AK4: variants seen among roughly 807,000 people sequenced by gnomAD.
The protein encoded by AK4 is adenylate kinase 4, also known as adenylate kinase 4, mitochondrial.
Under a neutral mutation model 24.6 loss-of-function variants are expected in AK4, and 13 were observed. The observed-to-expected ratio is 0.53, with a 90% CI of 0.34 to 0.84. The LOEUF is 0.84. Among genes scored for constraint, AK4 ranks in the 40% least tolerant of loss-of-function variants. The probability of loss-of-function intolerance (pLI) is 0.01; values close to 1 mark genes in which losing one functional copy is unlikely to be tolerated. For synonymous variants in AK4, 88 were observed against 107.0 expected (o/e 0.82, Z 1.10); for missense variants, 192 against 288.2 (o/e 0.67, Z 2.42).
intron 2 of AK4, 83 bp from the exon 3 acceptor site, chr1:65,218,671 A>T: frequency 7.2e-7 from 1 of 1,388,644 alleles, no homozygotes; most frequent in Non-Finnish European, 9.6e-7. Flanking sequence ...ATGCAGATTT[A>T]ATTCTGTCAC....
intron 1 of AK4, among the ~76,000 whole-genome samples, chr1:65,188,973 C>T (rs1373403379): frequency 6.6e-6 from 1 of 151,822 alleles, no homozygotes; most frequent in African/African-American, 2.4e-5. Context: ...TAGAGTCTTG[C>T]TCTGTCACCC....
chr1:65,184,685 T>C (rs1017270846), intron 1 of AK4, among the ~76,000 whole-genome samples: 9 of 152,348 alleles, frequency 5.9e-5, no homozygotes, highest in Admixed American at 2.0e-4. Context: ...TGCTGCTTTC[T>C]CTTCCAAGCA....
At chr1:65,186,423 T>A (rs546396505) in intron 1 of AK4, among the ~76,000 whole-genome samples, 1 of 152,324 alleles carries the variant, frequency 6.6e-6, no homozygotes, top group African/African-American at 2.4e-5. Flanking sequence ...ACCATCAGCC[T>A]GGCCCATGCA....
intron 1 of AK4, among the ~76,000 whole-genome samples, chr1:65,181,822 G>A (rs1302436516): frequency 6.6e-6 from 1 of 152,228 alleles, no homozygotes; most frequent in Admixed American, 6.5e-5. Flanking sequence ...ATCTGAAGAA[G>A]ATCACAGATG....
At chr1:65,205,602 T>C (rs961636061) in intron 2 of AK4, among the ~76,000 whole-genome samples, 5 of 152,228 alleles carry the variant, frequency 3.3e-5, no homozygotes, top group Non-Finnish European at 7.3e-5. Context: ...TATTTCTTCA[T>C]ACTTGAAGTC....
intron 1 of AK4, among the ~76,000 whole-genome samples, chr1:65,188,231 C>T (rs911997470): frequency 6.6e-6 from 1 of 151,974 alleles, no homozygotes; most frequent in African/African-American, 2.4e-5. Flanking sequence ...CCTGTCTCTA[C>T]TAAAAATACA....
intron 2 of AK4, among the ~76,000 whole-genome samples, chr1:65,198,565 ATATT>A (rs1651559312): frequency 6.6e-6 from 1 of 152,178 alleles, no homozygotes; most frequent in East Asian, 1.9e-4. Context: ...TCAGAGACAT[ATATT>A]CAGCCACACA....
intron 1 of AK4, among the ~76,000 whole-genome samples, chr1:65,173,599 A>G (rs1352855036): frequency 2.0e-5 from 3 of 151,800 alleles, no homozygotes; most frequent in African/African-American, 7.3e-5. Context: ...CCAAAGCACT[A>G]CTCATACCTG....
intron 2 of AK4, among the ~76,000 whole-genome samples, chr1:65,211,089 A>G (rs1033510070): frequency 1.3e-5 from 2 of 151,574 alleles, no homozygotes; most frequent in Non-Finnish European, 2.9e-5. Flanking sequence ...ATTATGCTCT[A>G]TCTAAACCAT....
chr1:65,174,169 AC>A (rs1419025250), intron 1 of AK4, among the ~76,000 whole-genome samples: 1 of 151,568 alleles, frequency 6.6e-6, no homozygotes, highest in South Asian at 2.1e-4. Flanking sequence ...TTCACCCTCA[AC>A]CCCCCAAATA....
chr1:65,152,316 A>ATCTCTCTCTCTC (rs1158775260), intron 1 of AK4, among the ~76,000 whole-genome samples: 15 of 32,494 alleles, frequency 4.6e-4, no homozygotes, highest in Middle Eastern at 0.038. Context: ...TGCACTTGCT[A>ATCTCTCTCTCTC]TCTCTCTCTC....
intron 2 of AK4, among the ~76,000 whole-genome samples, chr1:65,192,293 G>A (rs1570110633): frequency 6.6e-6 from 1 of 152,216 alleles, no homozygotes; most frequent in Non-Finnish European, 1.5e-5. Flanking sequence ...AGAAGTGCAT[G>A]CCTCTGAGAG....
intron 2 of AK4, among the ~76,000 whole-genome samples, chr1:65,194,007 C>T (rs894108122): frequency 4.9e-4 from 75 of 152,158 alleles, no homozygotes; most frequent in African/African-American, 1.8e-3. Context: ...GAGAGGATCA[C>T]TTTAGCCTGA....
At chr1:65,224,917 T>C (rs1652408693) in intron 4 of AK4, 47 bp downstream of exon 4, 1 of 1,475,056 alleles carries the variant, frequency 6.8e-7, no homozygotes, top group Non-Finnish European at 9.5e-7. Context: ...ACTGGAAAGG[T>C]GTGGAGCCTG....
rs149664544 is a variant in AK4, at chr1:65,229,773, C to T, written c.*3596C>T. On this transcript the variant is annotated 3_prime_UTR_variant, in exon 5 of 5. Coordinates refer to ENST00000327299, the MANE Select transcript of AK4 (RefSeq NM_013410.4). ...TTTTGGTGTCCATTGGATTGTGCCC[C>T]GAAGTGGCCTTTACCCTTGAGCCGT... 2.6e-5 allele frequency: 4 copies of T among 152,278 alleles called. No homozygotes were observed. The highest frequency in any genetic ancestry group is 7.2e-5 in the African/African-American group (3 of 41,552). The allele number at this position is 152,278 out of a possible 1,614,324, so 9.4% of individuals were successfully genotyped here.
rs1486020298 is a variant in AK4 at position 65,227,685 on chromosome 1, A to T, written c.*1508A>T. On this transcript the variant is annotated 3_prime_UTR_variant, in exon 5 of 5. Coordinates refer to ENST00000327299, the MANE Select transcript of AK4 (RefSeq NM_013410.4). The stretch of plus-strand genomic sequence containing the variant: ...TCTAACTTTTCATACTGGCGAGAAG[A>T]AAAGAAGCCTATTTTAACACTTTAG... 6.2e-4 allele frequency: 93 copies of T among 149,292 alleles called. No individual in the cohort carries two copies. The highest frequency in any genetic ancestry group is 2.1e-3 in the African/African-American group (83 of 39,836). 9.2% of individuals were successfully genotyped at this position (149,292 alleles called of 1,614,324 possible).
intron 3 of AK4, among the ~76,000 whole-genome samples, chr1:65,221,003 A>G (rs1250486508): frequency 6.6e-6 from 1 of 152,186 alleles, no homozygotes; most frequent in African/African-American, 2.4e-5. Context: ...AGGGAAGGCT[A>G]AAGGAATAAA....
At chr1:65,149,226 T>G (rs1649684958) in intron 1 of AK4, 1 of 152,372 alleles carries the variant, frequency 6.6e-6, no homozygotes, top group Non-Finnish European at 1.5e-5. Context: ...TTCTGATAAA[T>G]TACATTTTGT....
At position 65,231,959 on chromosome 1, in the gene AK4, C is replaced by T. The variant is rs1428599925; in HGVS notation, c.*5782C>T. On this transcript the variant is annotated 3_prime_UTR_variant, in exon 5 of 5. Transcript: ENST00000327299. ...TATGATGAGTCAGAGTGCTTTTCCT[C>T]GGTGGGACAGTTGCTGGCCCTCTTA... 1.3e-5 allele frequency: 2 copies of T among 152,152 alleles called. No individual in the cohort carries two copies. The highest frequency in any genetic ancestry group is 6.5e-5 in the Admixed American group (1 of 15,268). The allele number at this position is 152,152 out of a possible 1,614,324, so 9.4% of individuals were successfully genotyped here.
Sources: allele counts gnomAD v4.1 joint callset (sites outside exome capture counted in the v4.1 genomes callset), GRCh38; gene constraint gnomAD v4.1.1; transcripts MANE v1.5; gene names NCBI Gene and HGNC (gene_info 2026-07-23, HGNC 2026-07-21).